MBOAT2: variants seen among roughly 807,000 people sequenced by gnomAD.
The protein encoded by MBOAT2 is membrane-bound glycerophospholipid O-acyltransferase 2.
MBOAT2 carries 28 observed loss-of-function variants against 63.4 expected under a neutral mutation model. That is an observed-to-expected ratio of 0.44 (90% CI 0.33 to 0.61). MBOAT2 has a LOEUF of 0.61. Among genes scored for constraint, MBOAT2 ranks in the 20% least tolerant of loss-of-function variants. The pLI is 0.03. For missense variants in MBOAT2, 470 were observed against 605.8 expected (o/e 0.78, Z 2.35); for synonymous variants, 211 against 215.6 (o/e 0.98, Z 0.19).
At chr2:8,921,701 C>G (rs1425475240) in intron 3 of MBOAT2, among the ~76,000 whole-genome samples, 4 of 152,162 alleles carry the variant, frequency 2.6e-5, no homozygotes, top group Non-Finnish European at 5.9e-5. Flanking sequence ...TTTCCTTCAG[C>G]ATTTTGAATA....
intron 3 of MBOAT2, among the ~76,000 whole-genome samples, chr2:8,932,912 ACAC>A (rs1241232957): frequency 6.6e-6 from 1 of 152,176 alleles, no homozygotes; most frequent in Non-Finnish European, 1.5e-5. Flanking sequence ...TCATAACAAC[ACAC>A]CACATCACAG....
intron 2 of MBOAT2, among the ~76,000 whole-genome samples, chr2:8,946,048 G>C (rs1031855421): frequency 7.9e-5 from 12 of 152,118 alleles, no homozygotes; most frequent in Non-Finnish European, 1.6e-4. Context: ...AAAGAGATTA[G>C]ATAAACACAA....
intron 1 of MBOAT2, among the ~76,000 whole-genome samples, chr2:8,972,777 A>G (rs1217109316): frequency 6.6e-6 from 1 of 152,196 alleles, no homozygotes; most frequent in Non-Finnish European, 1.5e-5. Context: ...AATGCTCATC[A>G]TCACTGGCCA....
intron 3 of MBOAT2, among the ~76,000 whole-genome samples, chr2:8,937,350 C>A (rs534720335): frequency 7.5e-4 from 115 of 152,342 alleles, no homozygotes; most frequent in African/African-American, 2.6e-3. Context: ...CCAGTGAACA[C>A]TCACTGAGAG....
intron 5 of MBOAT2, among the ~76,000 whole-genome samples, chr2:8,885,201 G>A (rs1663459198): frequency 6.6e-6 from 1 of 152,104 alleles, no homozygotes. Context: ...ATGTAAATTC[G>A]GAGTCAGGAA....
intron 1 of MBOAT2, among the ~76,000 whole-genome samples, chr2:8,965,142 T>C (rs1246903433): frequency 6.6e-6 from 1 of 152,238 alleles, no homozygotes; most frequent in Non-Finnish European, 1.5e-5. Flanking sequence ...AATGTACTTC[T>C]TGGTTTAGTT....
intron 1 of MBOAT2, among the ~76,000 whole-genome samples, chr2:9,001,983 C>G (rs1274096554): frequency 3.3e-5 from 5 of 151,984 alleles, no homozygotes; most frequent in Non-Finnish European, 7.4e-5. Flanking sequence ...GACACCCACC[C>G]TGCATTTGCT....
intron 2 of MBOAT2, among the ~76,000 whole-genome samples, chr2:8,943,614 G>A (rs1668204350): frequency 6.6e-6 from 1 of 152,162 alleles, no homozygotes; most frequent in Non-Finnish European, 1.5e-5. Context: ...TGAATTTCAG[G>A]ATCGTCCTGA....
At chr2:8,964,257 T>C (rs1669834101) in intron 1 of MBOAT2, among the ~76,000 whole-genome samples, 1 of 152,262 alleles carries the variant, frequency 6.6e-6, no homozygotes, top group Admixed American at 6.5e-5. Context: ...GTATTTTACA[T>C]ATTGTATTGC....
chr2:8,874,444 G>T (rs1662561014), intron 7 of MBOAT2, among the ~76,000 whole-genome samples: 1 of 152,112 alleles, frequency 6.6e-6, no homozygotes, highest in African/African-American at 2.4e-5. Context: ...ATGAAGCAAG[G>T]TGAAATAAAT....
chr2:9,000,257 T>G (rs1183965654), intron 1 of MBOAT2, among the ~76,000 whole-genome samples: 2 of 152,214 alleles, frequency 1.3e-5, no homozygotes, highest in Non-Finnish European at 2.9e-5. Flanking sequence ...CTGATTTGTC[T>G]TTTTCCTGTT....
intron 1 of MBOAT2, among the ~76,000 whole-genome samples, chr2:8,968,266 CAG>C (rs1291724357): frequency 1.1e-4 from 17 of 152,370 alleles, no homozygotes; most frequent in African/African-American, 3.8e-4. Context: ...CCCAGGAAAA[CAG>C]GGTCTGGAGT....
chr2:8,970,395 C>T (rs1670362300), intron 1 of MBOAT2, among the ~76,000 whole-genome samples: 1 of 152,170 alleles, frequency 6.6e-6, no homozygotes, highest in South Asian at 2.1e-4. Flanking sequence ...ATTTATAGCA[C>T]TAAATGCCCA....
At chr2:8,966,875 G>A (rs1432139374) in intron 1 of MBOAT2, among the ~76,000 whole-genome samples, 1 of 152,198 alleles carries the variant, frequency 6.6e-6, no homozygotes, top group Non-Finnish European at 1.5e-5. Context: ...TGGGGACTAG[G>A]AGAGGCATGT....
In MBOAT2 at chr2:8,949,165, C is replaced by T. The variant is rs1370403177; in HGVS notation, c.222-5901G>A. On this transcript the variant is annotated intron_variant, in intron 2 of 12. Coordinates refer to ENST00000305997, the MANE Select transcript of MBOAT2 (RefSeq NM_138799.4). ...AAAGTGTCTTTTCATGCCTTTTGCCCATTTTTAATGGGATTATTTGCTTTT... is the reference window on the plus strand; with the variant it reads ...AAAGTGTCTTTTCATGCCTTTTGCCTATTTTTAATGGGATTATTTGCTTTT... Among the ~76,000 whole-genome samples the T allele has an allele frequency of 2.0e-5, 3 of 152,096 alleles. No individual in the cohort carries two copies. The East Asian group carries it at 5.8e-4, about 29-fold the overall frequency.
chr2:8,886,784 C>T (rs1435451494), intron 5 of MBOAT2, among the ~76,000 whole-genome samples: 2 of 152,172 alleles, frequency 1.3e-5, no homozygotes, highest in Non-Finnish European at 2.9e-5. Flanking sequence ...CCTTGATCCA[C>T]GACTTTCCTA....
At chr2:8,914,474 G>C (rs1302039933) in intron 3 of MBOAT2, among the ~76,000 whole-genome samples, 1 of 150,704 alleles carries the variant, frequency 6.6e-6, no homozygotes, top group Admixed American at 6.6e-5. Context: ...CCATAAGTTA[G>C]CTGTGAGAGT....
At chr2:8,964,561 C>T (rs1669854812) in intron 1 of MBOAT2, among the ~76,000 whole-genome samples, 1 of 151,032 alleles carries the variant, frequency 6.6e-6, no homozygotes. Context: ...ACATTGCTGA[C>T]ATTTATCTAT....
chr2:8,900,299 G>C (rs896561625), intron 4 of MBOAT2, among the ~76,000 whole-genome samples: 3 of 152,166 alleles, frequency 2.0e-5, no homozygotes, highest in African/African-American at 7.2e-5. Flanking sequence ...AAGATACCAA[G>C]TATCTCCAAA....
Sources: gnomAD v4.1 joint callset for allele counts (sites outside exome capture counted in the v4.1 genomes callset) on GRCh38, gnomAD v4.1.1 for gene constraint, MANE v1.5 for transcripts, NCBI Gene and HGNC (gene_info 2026-07-23, HGNC 2026-07-21) for gene names.